Variants in CTNNA3 observed in about 807,000 individuals in gnomAD.
CTNNA3 encodes the protein catenin alpha-3.
Under a neutral mutation model 95.7 loss-of-function variants are expected in CTNNA3, and 76 were observed. The observed-to-expected ratio is 0.79, with a 90% CI of 0.66 to 0.96. CTNNA3 has a LOEUF of 0.96. CTNNA3 is among the 40% of genes least tolerant of loss of function. The probability of loss-of-function intolerance (pLI) is 0.00; values close to 1 mark genes in which losing one functional copy is unlikely to be tolerated. For missense variants in CTNNA3, 1,191 were observed against 1,089.8 expected, an observed-to-expected ratio of 1.09 and a Z score of -1.31; for synonymous variants, 431 against 374.4, an observed-to-expected ratio of 1.15 and a Z score of -1.74.
At chr10:67,145,083 G>A (rs1860776193) in intron 7 of CTNNA3, among the ~76,000 whole-genome samples, 1 of 152,126 alleles carries the variant, frequency 6.6e-6, no homozygotes, top group African/African-American at 2.4e-5. Context: ...CTGGAGGAAT[G>A]GCTGTTCTCT....
intron 15 of CTNNA3, among the ~76,000 whole-genome samples, chr10:66,069,018 A>G (rs2080372641): frequency 6.6e-6 from 1 of 152,208 alleles, no homozygotes; most frequent in South Asian, 2.1e-4. Flanking sequence ...AATTCTTTGT[A>G]GAAGTCACAT....
At chr10:66,350,349 A>G (rs939565321) in intron 12 of CTNNA3, among the ~76,000 whole-genome samples, 1 of 152,138 alleles carries the variant, frequency 6.6e-6, no homozygotes, top group Non-Finnish European at 1.5e-5. Flanking sequence ...TAGAGCTTCA[A>G]TTTGCTCTGA....
At chr10:67,528,065 C>T (rs778999247) in intron 4 of CTNNA3, among the ~76,000 whole-genome samples, 2 of 152,156 alleles carry the variant, frequency 1.3e-5, no homozygotes, top group Non-Finnish European at 2.9e-5. Context: ...CTCCTTCTGA[C>T]TCTTTTTGTT....
chr10:66,685,174 T>TACACGTATATATATATAC (rs1847209334), intron 9 of CTNNA3, among the ~76,000 whole-genome samples: 3 of 135,332 alleles, frequency 2.2e-5, no homozygotes, highest in Non-Finnish European at 3.1e-5. Flanking sequence ...TATATATATA[T>TACACGTATATATATATAC]ACACATATAT....
chr10:67,170,165 G>C lies in CTNNA3; in HGVS notation c.1047+10152C>G, dbSNP rs201174633. Among the ~76,000 whole-genome samples, 3 of 152,322 alleles carry C rather than the reference G, an allele frequency of 2.0e-5. No individual in the cohort carries two copies. In the East Asian group the frequency reaches 5.8e-4, roughly 29 times the overall value. On this transcript the variant is annotated intron_variant, in intron 7 of 17. Transcript: ENST00000433211. ...AGAGAAAAGGAAGCACTTATATACT[G>C]TTGGTAGGAGTGTAAGTTAATTCAG...
At chr10:66,632,281 C>T (rs534290518) in intron 9 of CTNNA3, among the ~76,000 whole-genome samples, 2 of 151,980 alleles carry the variant, frequency 1.3e-5, no homozygotes, top group African/African-American at 2.4e-5. Flanking sequence ...GGGCTGGGTA[C>T]GGTGGCTCAC....
At chr10:67,484,013 A>G (rs1050323240) in intron 5 of CTNNA3, among the ~76,000 whole-genome samples, 2 of 152,240 alleles carry the variant, frequency 1.3e-5, no homozygotes, top group South Asian at 4.1e-4. Context: ...AAGAATTTGA[A>G]TAGGCAAAAC....
rs188401276 is a variant in CTNNA3, at chr10:66,119,105, A to G, written c.1885-15856T>C. 1.8e-3 allele frequency among the ~76,000 whole-genome samples: 278 copies of G among 152,254 alleles called. 1 individual carries two copies. Among genetic ancestry groups the G allele is most frequent in the Admixed American group, 3.5e-3 (53 of 15,280 alleles). On this transcript the variant is annotated intron_variant, in intron 13 of 17. Transcript: ENST00000433211. ...TTTTTATTAAATTTTAAAACAGAGA[A>G]CTTTTAAATAGATACAGATTACATT... is the stretch of plus-strand genomic sequence containing the variant.
At chr10:66,433,987 G>A (rs1401725988) in intron 11 of CTNNA3, among the ~76,000 whole-genome samples, 1 of 152,132 alleles carries the variant, frequency 6.6e-6, no homozygotes. Flanking sequence ...CCTCTGTTCT[G>A]TTCCATTGGT....
At chr10:66,121,795 C>A (rs1025043497) in intron 13 of CTNNA3, among the ~76,000 whole-genome samples, 1 of 152,046 alleles carries the variant, frequency 6.6e-6, no homozygotes, top group African/African-American at 2.4e-5. Context: ...AAGACCACAC[C>A]ACTGCACTCC....
At chr10:66,711,723 T>C (rs1444319135) in intron 9 of CTNNA3, among the ~76,000 whole-genome samples, 1 of 151,812 alleles carries the variant, frequency 6.6e-6, no homozygotes, top group Non-Finnish European at 1.5e-5. Flanking sequence ...TAATTTTTTG[T>C]AAATTTTAGT....
chr10:66,923,211 G>A (rs1401996121), intron 7 of CTNNA3, among the ~76,000 whole-genome samples: 1 of 152,216 alleles, frequency 6.6e-6, no homozygotes, highest in African/African-American at 2.4e-5. Context: ...AGCAATGTGT[G>A]TAACACAGCA....
intron 7 of CTNNA3, among the ~76,000 whole-genome samples, chr10:66,877,846 G>A (rs1844683763): frequency 1.3e-5 from 2 of 152,060 alleles, no homozygotes; most frequent in South Asian, 4.1e-4. Flanking sequence ...ATCTAACCCA[G>A]AGACAAGGAA....
intron 5 of CTNNA3, among the ~76,000 whole-genome samples, chr10:67,515,544 A>T (rs1839784567): frequency 6.6e-6 from 1 of 152,232 alleles, no homozygotes; most frequent in Non-Finnish European, 1.5e-5. Flanking sequence ...CTGTGCAATA[A>T]ATTTTTAAAT....
intron 8 of CTNNA3, among the ~76,000 whole-genome samples, chr10:66,766,895 A>G (rs1399075962): frequency 6.6e-6 from 1 of 152,222 alleles, no homozygotes; most frequent in Non-Finnish European, 1.5e-5. Context: ...GCCAGTTGAT[A>G]ACAGATTAAT....
Position 66,841,753 on chromosome 10 carries a change from T to C in CTNNA3, c.1048-66229A>G, listed in dbSNP as rs537596839. Among the ~76,000 whole-genome samples, 43 of 152,298 alleles carry C rather than the reference T, an allele frequency of 2.8e-4. No homozygotes were observed. In the South Asian group the frequency reaches 8.5e-3, roughly 30 times the overall value. ...TCATGCACTAAGGGCTAACAAGTGCTAGGTTCATAAATGGGCTAGTATAAT... is the reference window on the plus strand; with the variant it reads ...TCATGCACTAAGGGCTAACAAGTGCCAGGTTCATAAATGGGCTAGTATAAT... On this transcript the variant is annotated intron_variant, in intron 7 of 17. Coordinates refer to ENST00000433211, the MANE Select transcript of CTNNA3 (RefSeq NM_013266.4).
At chr10:66,063,867 A>G (rs994783092) in intron 15 of CTNNA3, among the ~76,000 whole-genome samples, 3 of 151,894 alleles carry the variant, frequency 2.0e-5, no homozygotes, top group Admixed American at 2.0e-4. Flanking sequence ...GTATGTTAAT[A>G]CTTTAAACTT....
chr10:67,133,366 C>CATACATATATAT lies in CTNNA3; in HGVS notation c.1047+46950_1047+46951insATATATATGTAT, dbSNP rs145480361. On this transcript the variant is annotated intron_variant, in intron 7 of 17. Coordinates refer to ENST00000433211, the MANE Select transcript of CTNNA3 (RefSeq NM_013266.4). ...ACAATGGTAGATACATACATACATACATATATATATATACACACACACACA... is the reference window on the plus strand; with the variant it reads ...ACAATGGTAGATACATACATACATACATACATATATATATATATATATATACACACACACACA... Among the ~76,000 whole-genome samples, 572 of 124,422 alleles carry CATACATATATAT rather than the reference C, an allele frequency of 4.6e-3. 9 individuals carry two copies. Among genetic ancestry groups the CATACATATATAT allele is most frequent in the African/African-American group, 0.016 (521 of 32,196 alleles). The allele number at this position is 124,422 out of a possible 152,430, so 81.6% of individuals were successfully genotyped here.
intron 1 of CTNNA3, among the ~76,000 whole-genome samples, chr10:67,720,748 G>A (rs924557997): frequency 1.3e-5 from 2 of 152,160 alleles, no homozygotes; most frequent in Non-Finnish European, 2.9e-5. Flanking sequence ...GAGGTCGGGA[G>A]TTCAAGACCA....
Sources: gnomAD v4.1 joint callset for allele counts (sites outside exome capture counted in the v4.1 genomes callset) on GRCh38, gnomAD v4.1.1 for gene constraint, MANE v1.5 for transcripts, NCBI Gene and HGNC (gene_info 2026-07-23, HGNC 2026-07-21) for gene names.